The following C12orf42 variants were observed in gnomAD, a reference collection of about 807,000 sequenced individuals.
The protein encoded by C12orf42 is chromosome 12 open reading frame 42.
In C12orf42, 25 loss-of-function variants were observed where a neutral mutation model predicts 21.6. The ratio of observed to expected loss-of-function variants is 1.16; its 90% CI spans 0.84 to 1.62. The LOEUF (loss-of-function observed/expected upper bound fraction) is 1.62. Among genes scored for constraint, C12orf42 ranks in the 40% most tolerant of loss-of-function variants. The probability of loss-of-function intolerance (pLI) is 0.00; values close to 1 mark genes in which losing one functional copy is unlikely to be tolerated. For missense variants in C12orf42, 483 were observed against 459.3 expected (o/e 1.05, Z -0.47); for synonymous variants, 174 against 175.0 (o/e 0.99, Z 0.05).
chr12:103,355,874 A>C (rs1354914597), intron 4 of C12orf42, among the ~76,000 whole-genome samples: 1 of 152,078 alleles, frequency 6.6e-6, no homozygotes, highest in East Asian at 1.9e-4. Context: ...AATCCTTTGA[A>C]TGCAGTAAAA....
intron 4 of C12orf42, among the ~76,000 whole-genome samples, chr12:103,315,504 G>A (rs1225179928): frequency 6.6e-6 from 1 of 151,962 alleles, no homozygotes; most frequent in East Asian, 1.9e-4. Flanking sequence ...AGGTCAATAC[G>A]AACTTCCCAA....
the C12orf42 span, among the ~76,000 whole-genome samples, chr12:103,167,081 A>G: frequency 5.9e-5 from 9 of 152,246 alleles, no homozygotes; most frequent in Middle Eastern, 3.4e-3. Flanking sequence ...TGTGTGTCAC[A>G]TTACATCTCA....
chr12:103,120,111 C>A, the C12orf42 span, among the ~76,000 whole-genome samples: 1 of 152,206 alleles, frequency 6.6e-6, no homozygotes, highest in East Asian at 1.9e-4. Flanking sequence ...TTTTATGGAG[C>A]ACCTGCTATG....
At chr12:103,048,884 C>T in the C12orf42 span, among the ~76,000 whole-genome samples, 2 of 152,146 alleles carry the variant, frequency 1.3e-5, no homozygotes, top group African/African-American at 4.8e-5. Context: ...CCTCAGCCTC[C>T]CATTTCATAT....
At chr12:103,057,708 T>C in the C12orf42 span, among the ~76,000 whole-genome samples, 1 of 152,116 alleles carries the variant, frequency 6.6e-6, no homozygotes, top group African/African-American at 2.4e-5. Context: ...ATCCTTTAGG[T>C]ATATACCCAG....
rs79242959 is a variant in C12orf42, at chr12:103,303,977, C to T, written c.632-1418G>A. ...GATGTAGCTTTGGAGTTTGGAGCAA[C>T]AGGGCATGACCTAGACAGGATATGC... On this transcript the variant is annotated intron_variant, in intron 5 of 5. Transcript: ENST00000548883. Among the ~76,000 whole-genome samples the T allele has an allele frequency of 0.012, 1,759 of 152,232 alleles. 96 individuals are homozygous for T. The East Asian group carries it at 0.19, about 17-fold the overall frequency.
At chr12:103,284,104 T>C (rs1004835699) in intron 4 of C12orf42, among the ~76,000 whole-genome samples, 1 of 152,172 alleles carries the variant, frequency 6.6e-6, no homozygotes, top group African/African-American at 2.4e-5. Flanking sequence ...TACACCTGAG[T>C]GTGACACCTG....
At chr12:103,091,363 T>A in the C12orf42 span, among the ~76,000 whole-genome samples, 1 of 150,262 alleles carries the variant, frequency 6.7e-6, no homozygotes, top group Admixed American at 6.7e-5. Context: ...CTCTGTGAAG[T>A]TTTTTCCCCC....
At chr12:103,126,383 C>A in the C12orf42 span, among the ~76,000 whole-genome samples, 1 of 152,130 alleles carries the variant, frequency 6.6e-6, no homozygotes, top group Non-Finnish European at 1.5e-5. Flanking sequence ...TCTAAAAATA[C>A]TGAGAAAAGC....
chr12:103,517,967 G>T, the C12orf42 span, among the ~76,000 whole-genome samples: 1 of 152,062 alleles, frequency 6.6e-6, no homozygotes, highest in Non-Finnish European at 1.5e-5. Context: ...TTTTGTGGTT[G>T]TTTTTAACAT....
chr12:103,380,712 T>G (rs1412397859), intron 3 of C12orf42, among the ~76,000 whole-genome samples: 1 of 152,218 alleles, frequency 6.6e-6, no homozygotes, highest in African/African-American at 2.4e-5. Context: ...AAAAGTACAT[T>G]TTATTTTCTT....
the C12orf42 span, among the ~76,000 whole-genome samples, chr12:103,223,934 C>G: frequency 6.6e-6 from 1 of 152,058 alleles, no homozygotes; most frequent in Non-Finnish European, 1.5e-5. Flanking sequence ...GACGGAGGAC[C>G]GTAAGGGATA....
chr12:103,542,806 A>T, the C12orf42 span, among the ~76,000 whole-genome samples: 1 of 152,228 alleles, frequency 6.6e-6, no homozygotes, highest in African/African-American at 2.4e-5. Context: ...CTTTGATTCA[A>T]CCAATGGATC....
intron 4 of C12orf42, among the ~76,000 whole-genome samples, chr12:103,342,294 C>G (rs1593516637): frequency 6.6e-6 from 1 of 152,288 alleles, no homozygotes; most frequent in Non-Finnish European, 1.5e-5. Context: ...TGACTGAAGA[C>G]TTCAACTTTT....
chr12:103,090,463 C>G, the C12orf42 span, among the ~76,000 whole-genome samples: 1 of 152,172 alleles, frequency 6.6e-6, no homozygotes, highest in Non-Finnish European at 1.5e-5. Flanking sequence ...TGTTTAATCA[C>G]TCAGAGTGTC....
At chr12:103,430,072 C>T (rs562122445) in intron 2 of C12orf42, among the ~76,000 whole-genome samples, 1 of 152,178 alleles carries the variant, frequency 6.6e-6, no homozygotes, top group African/African-American at 2.4e-5. Flanking sequence ...GCAAAGACCT[C>T]ATGACTAAAA....
At chr12:103,507,228 A>AT in the C12orf42 span, among the ~76,000 whole-genome samples, 3 of 27,836 alleles carry the variant, frequency 1.1e-4, no homozygotes, top group African/African-American at 9.6e-4. Flanking sequence ...TATAAATATA[A>AT]ATATATATAT....
the C12orf42 span, among the ~76,000 whole-genome samples, chr12:103,068,568 G>A: frequency 6.6e-6 from 1 of 151,962 alleles, no homozygotes; most frequent in South Asian, 2.1e-4. Context: ...TGTTGCCAAA[G>A]GAGATTAACA....
At chr12:103,102,895 T>C in the C12orf42 span, among the ~76,000 whole-genome samples, 2 of 151,958 alleles carry the variant, frequency 1.3e-5, no homozygotes, top group East Asian at 3.9e-4. Context: ...TTCCTTAGAG[T>C]TGTAGGGCTG....
Sources: gnomAD v4.1 joint callset for allele counts (sites outside exome capture counted in the v4.1 genomes callset) on GRCh38, gnomAD v4.1.1 for gene constraint, MANE v1.5 for transcripts, NCBI Gene and HGNC (gene_info 2026-07-23, HGNC 2026-07-21) for gene names.